CTNNA2: variants seen among roughly 807,000 people sequenced by gnomAD.
The protein encoded by CTNNA2 is catenin alpha-2.
In CTNNA2, 42 loss-of-function variants were observed where a neutral mutation model predicts 101.0. The ratio of observed to expected loss-of-function variants is 0.42; its 90% CI spans 0.32 to 0.54. CTNNA2 has a LOEUF of 0.54. Ranked by LOEUF, CTNNA2 falls within the 20% of genes least tolerant of loss-of-function variation. CTNNA2 has a pLI of 0.14. For synonymous variants in CTNNA2, 450 were observed against 456.4 expected (o/e 0.99, Z 0.18); for missense variants, 871 against 1,223.1 (o/e 0.71, Z 4.29).
intron 18 of CTNNA2, among the ~76,000 whole-genome samples, chr2:80,643,374 C>G (rs547317231): frequency 1.3e-5 from 2 of 152,206 alleles, no homozygotes; most frequent in East Asian, 3.9e-4. Context: ...CAAGCCTTGT[C>G]TCAGGGCTGG....
At chr2:79,504,058 C>T (rs1174381698) in intron 4 of CTNNA2, among the ~76,000 whole-genome samples, 2 of 152,092 alleles carry the variant, frequency 1.3e-5, no homozygotes, top group African/African-American at 2.4e-5. Context: ...AGGACTCAGA[C>T]CTTCAGCAAT....
intron 18 of CTNNA2, among the ~76,000 whole-genome samples, chr2:80,623,348 G>T (rs180804937): frequency 1.8e-4 from 28 of 152,024 alleles, no homozygotes; most frequent in African/African-American, 6.0e-4. Flanking sequence ...TGTAGAAAAG[G>T]ATAAAGGGGT....
At chr2:80,381,508 G>C (rs1676513859) in intron 7 of CTNNA2, among the ~76,000 whole-genome samples, 1 of 152,150 alleles carries the variant, frequency 6.6e-6, no homozygotes, top group East Asian at 1.9e-4. Flanking sequence ...AAAACAACGA[G>C]ATAGAGATTG....
chr2:80,474,581 T>C (rs1473868992), intron 9 of CTNNA2, among the ~76,000 whole-genome samples: 1 of 152,178 alleles, frequency 6.6e-6, no homozygotes, highest in African/African-American at 2.4e-5. Context: ...CTACCATAAA[T>C]TGAACCATTT....
intron 1 of CTNNA2, among the ~76,000 whole-genome samples, chr2:79,569,300 T>G (rs968232579): frequency 6.6e-6 from 1 of 151,928 alleles, no homozygotes; most frequent in African/African-American, 2.4e-5. Flanking sequence ...TTTAGCTAAG[T>G]AGATGAATGA....
intron 7 of CTNNA2, among the ~76,000 whole-genome samples, chr2:80,043,736 C>T (rs1696335030): frequency 6.6e-6 from 1 of 152,148 alleles, no homozygotes; most frequent in Non-Finnish European, 1.5e-5. Context: ...AGATATAAGC[C>T]CATGCCTTTT....
chr2:79,429,098 T>C (rs1006115677), intron 4 of CTNNA2, among the ~76,000 whole-genome samples: 1 of 152,172 alleles, frequency 6.6e-6, no homozygotes, highest in Non-Finnish European at 1.5e-5. Context: ...TTATTCTACC[T>C]ACAATAGACT....
intron 9 of CTNNA2, among the ~76,000 whole-genome samples, chr2:80,461,857 C>T (rs560007159): frequency 2.4e-4 from 36 of 152,168 alleles, no homozygotes; most frequent in Middle Eastern, 3.4e-3. Context: ...TGTGGATAAT[C>T]AAAGATATAT....
chr2:80,296,471 C>T (rs1280397702), intron 7 of CTNNA2, among the ~76,000 whole-genome samples: 2 of 152,122 alleles, frequency 1.3e-5, no homozygotes, highest in Non-Finnish European at 2.9e-5. Context: ...TAAGTTTTGC[C>T]ATATGTTCTT....
At chr2:80,095,778 A>G (rs1441685463) in intron 7 of CTNNA2, among the ~76,000 whole-genome samples, 1 of 151,822 alleles carries the variant, frequency 6.6e-6, no homozygotes, top group Non-Finnish European at 1.5e-5. Context: ...TAGATTTTCT[A>G]GTTTATTTGC....
At chr2:80,633,676 A>G (rs1672539327) in intron 18 of CTNNA2, among the ~76,000 whole-genome samples, 1 of 152,182 alleles carries the variant, frequency 6.6e-6, no homozygotes, top group Non-Finnish European at 1.5e-5. Flanking sequence ...AAAAAAGTTA[A>G]CTTTTCTCTA....
intron 2 of CTNNA2, among the ~76,000 whole-genome samples, chr2:79,214,672 G>T (rs1436422912): frequency 2.0e-5 from 3 of 152,066 alleles, no homozygotes; most frequent in Non-Finnish European, 4.4e-5. Flanking sequence ...AAGGTGGGGG[G>T]ATACGAGAGG....
At chr2:79,418,077 G>A (rs769803207) in intron 4 of CTNNA2, among the ~76,000 whole-genome samples, 2 of 152,052 alleles carry the variant, frequency 1.3e-5, no homozygotes, top group African/African-American at 2.4e-5. Context: ...AAATCATAGG[G>A]AGTTGAAGCT....
intron 9 of CTNNA2, among the ~76,000 whole-genome samples, chr2:80,495,939 C>CAAA (rs60582703): frequency 1.4e-4 from 5 of 35,758 alleles, no homozygotes; most frequent in Admixed American, 5.1e-4. Context: ...GACTCTGTCT[C>CAAA]AAAAAAAAAA....
intron 7 of CTNNA2, among the ~76,000 whole-genome samples, chr2:80,085,336 A>T (rs186215953): frequency 6.6e-6 from 1 of 152,038 alleles, no homozygotes; most frequent in African/African-American, 2.4e-5. Flanking sequence ...AGTGTCAAAC[A>T]TTTCCTCTGT....
intron 3 of CTNNA2, among the ~76,000 whole-genome samples, chr2:79,789,037 A>G (rs1675065738): frequency 6.6e-6 from 1 of 152,216 alleles, no homozygotes; most frequent in Non-Finnish European, 1.5e-5. Flanking sequence ...CTAAGTTTAA[A>G]CCTTATGAGC....
intron 1 of CTNNA2, among the ~76,000 whole-genome samples, chr2:79,625,019 G>A (rs1472109923): frequency 1.3e-5 from 2 of 152,164 alleles, no homozygotes; most frequent in Non-Finnish European, 2.9e-5. Flanking sequence ...TATTATAGAT[G>A]TGTCATGGAA....
chr2:79,267,832 T>A lies in CTNNA2; in HGVS notation c.-405-44877T>A, dbSNP rs373550922. Among the ~76,000 whole-genome samples, 3 of 152,226 alleles carry A rather than the reference T, an allele frequency of 2.0e-5. No homozygotes were observed. The East Asian group carries it at 5.8e-4, about 29-fold the overall frequency. On this transcript the variant is annotated intron_variant, in intron 2 of 21. Transcript: ENST00000466387. ...GTCCTGGAAAAGCCCCTGGAGATAA[T>A]CCTAATGTGTATTTGAGATGGCTCC...
At chr2:79,562,367 T>C (rs1674834585) in intron 1 of CTNNA2, among the ~76,000 whole-genome samples, 1 of 152,044 alleles carries the variant, frequency 6.6e-6, no homozygotes, top group East Asian at 1.9e-4. Context: ...ACTATAACAT[T>C]TATGGTTGCC....
Sources: allele counts gnomAD v4.1 joint callset (sites outside exome capture counted in the v4.1 genomes callset), GRCh38; gene constraint gnomAD v4.1.1; transcripts MANE v1.5; gene names NCBI Gene and HGNC (gene_info 2026-07-23, HGNC 2026-07-21).